FAHD2B: variants seen among roughly 807,000 people sequenced by gnomAD.
The protein encoded by FAHD2B is oxaloacetate tautomerase FAHD2B, mitochondrial.
FAHD2B carries 26 observed loss-of-function variants against 33.7 expected under a neutral mutation model. The observed-to-expected ratio is 0.77, with a 90% CI of 0.57 to 1.07. FAHD2B has a LOEUF of 1.07. Ranked by LOEUF, FAHD2B falls within the 50% of genes least tolerant of loss-of-function variation. The pLI is 0.00. For missense variants in FAHD2B, 272 were observed against 388.1 expected, an observed-to-expected ratio of 0.70 and a Z score of 2.51; for synonymous variants, 108 against 150.9, an observed-to-expected ratio of 0.72 and a Z score of 2.08.
downstream of FAHD2B, chr2:97,081,386 C>T (rs1438717867): frequency 1.3e-6 from 2 of 1,555,488 alleles, no homozygotes; most frequent in Non-Finnish European, 1.7e-6. Context: ...GGCTAGGCCC[C>T]TGCCCATGTG....
At chr2:97,089,595 C>T (rs562113844) in intron 4 of FAHD2B, among the ~76,000 whole-genome samples, 9 of 150,556 alleles carry the variant, frequency 6.0e-5, no homozygotes, top group Admixed American at 3.3e-4. Context: ...ATGTTCATTG[C>T]GACATTTATT....
chr2:97,082,519 C>T, downstream of FAHD2B: 7 of 1,605,664 alleles, frequency 4.4e-6, no homozygotes, highest in South Asian at 7.8e-5. Context: ...TTGCTGGTGG[C>T]TGCTGCCCCC....
At chr2:97,084,321 T>C in intron 6 of FAHD2B, 44 bp from the exon 7 acceptor site, 1 of 1,608,580 alleles carries the variant, frequency 6.2e-7, no homozygotes, top group Non-Finnish European at 8.5e-7. Context: ...CTTTTCCCCC[T>C]CAAACCCCCC....
intron 2 of FAHD2B, 29 bp from the exon 3 acceptor site, chr2:97,091,741 A>G (rs1170129379): frequency 1.9e-6 from 3 of 1,589,820 alleles, no homozygotes; most frequent in Admixed American, 1.7e-5. Flanking sequence ...GATCCAGGAG[A>G]TGGAGGATCT....
downstream of FAHD2B, chr2:97,082,720 C>G: frequency 6.3e-7 from 1 of 1,587,902 alleles, no homozygotes. Flanking sequence ...GGACCCAAAG[C>G]TTGCCATCAG....
chr2:97,082,883 T>G (rs977018213), downstream of FAHD2B: 13 of 773,818 alleles, frequency 1.7e-5, no homozygotes, highest in Non-Finnish European at 2.9e-5. Flanking sequence ...ATTAAGACCC[T>G]GGGATTTACT....
chr2:97,082,802 C>A, downstream of FAHD2B: 1 of 1,323,126 alleles, frequency 7.6e-7, no homozygotes, highest in South Asian at 1.2e-5. Flanking sequence ...CCTGCTCCCA[C>A]CCCAATAGAG....
intron 3 of FAHD2B, among the ~76,000 whole-genome samples, chr2:97,091,233 G>A (rs1461491991): frequency 9.9e-6 from 1 of 100,674 alleles, no homozygotes; most frequent in African/African-American, 2.9e-5. Flanking sequence ...CACATGTATG[G>A]CCTTGAAATT....
chr2:97,081,266 G>A (rs1210487925), downstream of FAHD2B: 8 of 1,470,926 alleles, frequency 5.4e-6, no homozygotes, highest in Admixed American at 5.2e-5. Context: ...CCTCCCCTAC[G>A]GCCCACTTGG....
At chr2:97,079,676 T>C (rs2031582022), downstream of FAHD2B, among the ~76,000 whole-genome samples, 2 of 151,742 alleles carry the variant, frequency 1.3e-5, no homozygotes. Flanking sequence ...CTTTTCTTTT[T>C]TTTTTTGAGA....
chr2:97,089,094 A>T (rs1053556210), intron 4 of FAHD2B, among the ~76,000 whole-genome samples: 32 of 151,992 alleles, frequency 2.1e-4, no homozygotes, highest in Middle Eastern at 3.2e-3. Flanking sequence ...AGTGTTAGTA[A>T]GGGTATATAC....
intron 3 of FAHD2B, among the ~76,000 whole-genome samples, chr2:97,090,644 T>C (rs2032282925): frequency 6.6e-6 from 1 of 152,118 alleles, no homozygotes; most frequent in East Asian, 1.9e-4. Context: ...AGCTACTCTA[T>C]GGATATTCTT....
chr2:97,080,603 T>G (rs1275463039), downstream of FAHD2B, among the ~76,000 whole-genome samples: 2 of 151,854 alleles, frequency 1.3e-5, no homozygotes, highest in African/African-American at 4.8e-5. Context: ...TTTAAAATAT[T>G]TTTTTTTCTA....
At chr2:97,083,307 G>A (rs2031727716), downstream of FAHD2B, 2 of 1,584,822 alleles carry the variant, frequency 1.3e-6, no homozygotes, top group Admixed American at 3.8e-5. Flanking sequence ...CCAGAACACA[G>A]CTGTGTCCTA....
At chr2:97,082,089 A>G, downstream of FAHD2B, 1 of 1,585,148 alleles carries the variant, frequency 6.3e-7, no homozygotes, top group Non-Finnish European at 8.6e-7. Flanking sequence ...ATGACTTCAA[A>G]GAGACCGAGG....
downstream of FAHD2B, among the ~76,000 whole-genome samples, chr2:97,079,313 T>C (rs559429925): frequency 6.6e-6 from 1 of 152,232 alleles, no homozygotes; most frequent in African/African-American, 2.4e-5. Context: ...TGGGTGAATG[T>C]TATTTATTTC....
At chr2:97,090,475 T>G in intron 3 of FAHD2B, 150 bp from the exon 4 acceptor site, 1 of 1,446,214 alleles carries the variant, frequency 6.9e-7, no homozygotes, top group Non-Finnish European at 9.2e-7. Context: ...TGAAAACCAC[T>G]GACTATTGTC....
downstream of FAHD2B, chr2:97,081,617 T>A: frequency 6.7e-7 from 1 of 1,481,620 alleles, no homozygotes; most frequent in East Asian, 2.5e-5. Context: ...CTGCCCTGTG[T>A]GTGCTGTGGG....
chr2:97,087,999 C>A (rs1048977207), intron 4 of FAHD2B, among the ~76,000 whole-genome samples: 4 of 151,984 alleles, frequency 2.6e-5, no homozygotes, highest in African/African-American at 9.7e-5. Context: ...TACCCTGACA[C>A]TAATCATGAA....
Sources: gnomAD v4.1 joint callset for allele counts (sites outside exome capture counted in the v4.1 genomes callset) on GRCh38, gnomAD v4.1.1 for gene constraint, MANE v1.5 for transcripts, NCBI Gene and HGNC (gene_info 2026-07-23, HGNC 2026-07-21) for gene names.